The following ARSJ variants were observed in gnomAD, a reference collection of about 807,000 sequenced individuals.
ARSJ encodes arylsulfatase family member J, also known as arylsulfatase J.
Under a neutral mutation model 35.9 loss-of-function variants are expected in ARSJ, and 26 were observed. That is an observed-to-expected ratio of 0.72 (90% confidence interval 0.53 to 1.00). The LOEUF (loss-of-function observed/expected upper bound fraction) is 1.00, where lower values mean the gene tolerates loss of function less well. ARSJ is among the 50% of genes least tolerant of loss of function. The pLI, the probability that ARSJ is intolerant of heterozygous loss-of-function variation, is 0.00. For synonymous variants in ARSJ, 294 were observed against 267.6 expected, an observed-to-expected ratio of 1.10 and a Z score of -0.96; for missense variants, 667 against 723.6, an observed-to-expected ratio of 0.92 and a Z score of 0.90.
In ARSJ at chr4:113,902,670, G is replaced by A. The variant is rs1291913232; in HGVS notation, c.1404C>T (p.Pro468=). Residue 468 remains proline (P), a synonymous_variant, in exon 2 of 2, where the codon CCC becomes CCT. Coordinates refer to ENST00000315366, the MANE Select transcript of ARSJ (RefSeq NM_024590.4). ...GTCCCAGGTTGCTGAAAGACTGAGG[G>A]GGGACCCAGTCGCTGTAGCCAGGAT... ...TGNPGYSDWV[P]PQSFSNLGPN... is the part of the protein sequence containing the mutation. The A allele has an allele frequency of 6.2e-7, 1 of 1,614,032 alleles. No homozygotes were observed. Among genetic ancestry groups the A allele is most frequent in the African/African-American group, 1.3e-5 (1 of 74,908 alleles).
intron 1 of ARSJ, among the ~76,000 whole-genome samples, chr4:113,905,851 A>G (rs901117205): frequency 6.6e-6 from 1 of 151,546 alleles, no homozygotes; most frequent in African/African-American, 2.4e-5. Flanking sequence ...TATTTTTAGT[A>G]GAGATAGCGT....
At chr4:113,923,508 T>A (rs969308222) in intron 1 of ARSJ, among the ~76,000 whole-genome samples, 1 of 152,148 alleles carries the variant, frequency 6.6e-6, no homozygotes, top group Non-Finnish European at 1.5e-5. Context: ...TGTAAACAAG[T>A]TTCTCTAATT....
At position 113,978,536 on chromosome 4, in the gene ARSJ, G is replaced by T. The variant is rs371590860; in HGVS notation, c.299C>A (p.Thr100Lys). Residue 100 changes from threonine (T) to lysine (K), a missense_variant, in exon 1 of 2, where the codon ACA becomes AAA. Thr to Lys is a moderately conservative substitution (Grantham distance 78). Transcript: ENST00000315366. ...DVGYHGSEIK[T>K]PTLDKLAAEG... ...GGCAGCGAGCTTGTCAAGAGTAGGT[G>T]TTTTAATCTCAGATCCGTGGTAACC... is the stretch of plus-strand genomic sequence containing the variant. 3.1e-6 allele frequency: 5 copies of T among 1,614,054 alleles called. No homozygotes were observed. Among genetic ancestry groups the T allele is most frequent in the Non-Finnish European group, 4.2e-6 (5 of 1,179,976 alleles).
At chr4:113,935,012 G>A (rs1403133638) in intron 1 of ARSJ, among the ~76,000 whole-genome samples, 1 of 151,632 alleles carries the variant, frequency 6.6e-6, no homozygotes, top group African/African-American at 2.4e-5. Context: ...TCTGCTTTCC[G>A]ATTTAGCCTA....
At position 113,903,028 on chromosome 4, in the gene ARSJ, C is replaced by G. The variant is rs1246449298; in HGVS notation, c.1046G>C (p.Trp349Ser). 15 of 1,614,036 alleles carry G rather than the reference C, an allele frequency of 9.3e-6. No individual in the cohort carries two copies. Among genetic ancestry groups the G allele is most frequent in the Non-Finnish European group, 1.3e-5 (15 of 1,180,026 alleles). Residue 349 changes from tryptophan to serine, a missense_variant, in exon 2 of 2, where the codon TGG (tryptophan) becomes TCG (serine). Physicochemically the swap from Trp to Ser is radical, Grantham distance 177 (BLOSUM62 -3). Coordinates refer to ENST00000315366, the MANE Select transcript of ARSJ (RefSeq NM_024590.4). Reference protein sequence around the residue: ...WPLRGSKGTYWEGGIRAVGFV... With the variant: ...WPLRGSKGTYSEGGIRAVGFV... ...GCCTACAGCCCGGATCCCTCCTTCC[C>G]AATATGTTCCTTTGCTACCTCTGAG...
At chr4:113,905,840 G>C (rs1040818357) in intron 1 of ARSJ, among the ~76,000 whole-genome samples, 2 of 151,448 alleles carry the variant, frequency 1.3e-5, no homozygotes, top group African/African-American at 4.9e-5. Context: ...GCTAATTTTT[G>C]TATTTTTAGT....
chr4:113,916,472 A>C (rs1280259178), intron 1 of ARSJ, among the ~76,000 whole-genome samples: 1 of 148,286 alleles, frequency 6.7e-6, no homozygotes, highest in Non-Finnish European at 1.5e-5. Flanking sequence ...ACAAATTGCA[A>C]ATTGTAAAAT....
intron 1 of ARSJ, among the ~76,000 whole-genome samples, chr4:113,951,629 TC>T (rs1725869942): frequency 6.6e-6 from 1 of 152,100 alleles, no homozygotes; most frequent in Admixed American, 6.6e-5. Flanking sequence ...AAGCCAGTTG[TC>T]CTCTCTCGTA....
chr4:113,921,463 A>G (rs2149258900), intron 1 of ARSJ, among the ~76,000 whole-genome samples: 1 of 152,240 alleles, frequency 6.6e-6, no homozygotes, highest in Non-Finnish European at 1.5e-5. Context: ...GAGAAGGGGC[A>G]AAGGCTCTCA....
At chr4:113,968,947 A>T (rs141838689) in intron 1 of ARSJ, among the ~76,000 whole-genome samples, 1 of 152,212 alleles carries the variant, frequency 6.6e-6, no homozygotes, top group East Asian at 1.9e-4. Context: ...CAATATATTA[A>T]TTCAAAACTA....
At chr4:113,966,778 C>T (rs75490439) in intron 1 of ARSJ, among the ~76,000 whole-genome samples, 2,103 of 152,284 alleles carry the variant, frequency 0.014, 45 homozygotes, top group African/African-American at 0.048. Context: ...TGTCCAACTG[C>T]TGGCTGCACC....
At chr4:113,919,489 C>T (rs1723530820) in intron 1 of ARSJ, among the ~76,000 whole-genome samples, 1 of 152,148 alleles carries the variant, frequency 6.6e-6, no homozygotes, top group South Asian at 2.1e-4. Flanking sequence ...ATAACGTGCT[C>T]AACTAACTGT....
At chr4:113,968,440 T>C (rs2149284831) in intron 1 of ARSJ, among the ~76,000 whole-genome samples, 1 of 152,288 alleles carries the variant, frequency 6.6e-6, no homozygotes, top group East Asian at 1.9e-4. Flanking sequence ...CAGAATGCAC[T>C]TGACTCTGCC....
At chr4:113,945,693 T>G (rs1406176312) in intron 1 of ARSJ, among the ~76,000 whole-genome samples, 1 of 152,106 alleles carries the variant, frequency 6.6e-6, no homozygotes, top group Non-Finnish European at 1.5e-5. Context: ...GTTGCTACAT[T>G]TACATATTAA....
At chr4:113,926,127 G>T (rs949773259) in intron 1 of ARSJ, among the ~76,000 whole-genome samples, 1 of 152,132 alleles carries the variant, frequency 6.6e-6, no homozygotes, top group Admixed American at 6.5e-5. Flanking sequence ...TCACCTATTG[G>T]TGAGCACTCA....
At chr4:113,945,906 C>T (rs1049335143) in intron 1 of ARSJ, among the ~76,000 whole-genome samples, 7 of 152,058 alleles carry the variant, frequency 4.6e-5, no homozygotes, top group African/African-American at 1.4e-4. Flanking sequence ...TGGTTGTTGA[C>T]AGGATTCCTG....
chr4:113,902,764 C>G lies in ARSJ; in HGVS notation c.1310G>C (p.Gly437Ala), dbSNP rs1282179785. ...GATTGCAGTGTTCCAGATCCCATAGCCTGCTGCCCAGGAGCCATTTTTTGC... is the reference window on the plus strand; with the variant it reads ...GATTGCAGTGTTCCAGATCCCATAGGCTGCTGCCCAGGAGCCATTTTTTGC... ...TKAKNGSWAAGYGIWNTAIQS... is the reference protein window; with the variant it reads ...TKAKNGSWAAAYGIWNTAIQS... The change falls in exon 2 of 2, where the codon GGC becomes GCC. Residue 437 changes from glycine to alanine, a missense_variant. Physicochemically the swap from Gly to Ala is moderately conservative, Grantham distance 60 (BLOSUM62 0). Coordinates refer to ENST00000315366, the MANE Select transcript of ARSJ (RefSeq NM_024590.4). 1.9e-6 allele frequency: 3 copies of G among 1,614,200 alleles called. No individual in the cohort carries two copies. In the South Asian group the frequency reaches 3.3e-5, roughly 18 times the overall value.
chr4:113,979,137 C>T lies in ARSJ; in HGVS notation c.-303G>A, dbSNP rs1484457454. Reference sequence around the variant, plus strand: ...AAAGAAAAAAGTTAATATCTCCACCCAAAAGTTCTCTGGAGAAAAAAACCA... The same window carrying T: ...AAAGAAAAAAGTTAATATCTCCACCTAAAAGTTCTCTGGAGAAAAAAACCA... On this transcript the variant is annotated 5_prime_UTR_variant, in exon 1 of 2. Transcript: ENST00000315366. 1 of 261,912 alleles carries T rather than the reference C, an allele frequency of 3.8e-6. No individual in the cohort carries two copies. The highest frequency in any genetic ancestry group is 2.2e-5 in the African/African-American group (1 of 45,368). 16.2% of individuals were successfully genotyped at this position (261,912 alleles called of 1,614,324 possible). A position where few individuals can be genotyped will look rare whatever the true frequency, so the allele number is the denominator to read the frequency against.
intron 1 of ARSJ, among the ~76,000 whole-genome samples, chr4:113,912,334 G>A (rs141814289): frequency 1.3e-5 from 2 of 152,302 alleles, no homozygotes; most frequent in East Asian, 3.9e-4. Context: ...GCCAGGAAAA[G>A]TGAGAATTGC....
Sources: gnomAD v4.1 joint callset for allele counts (sites outside exome capture counted in the v4.1 genomes callset) on GRCh38, gnomAD v4.1.1 for gene constraint, MANE v1.5 for transcripts, NCBI Gene and HGNC (gene_info 2026-07-23, HGNC 2026-07-21) for gene names.